The following KIAA0753 variants were observed in gnomAD, a reference collection of about 807,000 sequenced individuals.
The protein encoded by KIAA0753 is KIAA0753, also known as protein moonraker.
In KIAA0753, 114 loss-of-function variants were observed where a neutral mutation model predicts 116.9. That is an observed-to-expected ratio of 0.98 (90% CI 0.84 to 1.14). The LOEUF (loss-of-function observed/expected upper bound fraction) is 1.14, where lower values mean the gene tolerates loss of function less well. Among genes scored for constraint, KIAA0753 ranks in the 50% most tolerant of loss-of-function variants. The pLI, the probability that KIAA0753 is intolerant of heterozygous loss-of-function variation, is 0.00. For synonymous variants in KIAA0753, 405 were observed against 413.1 expected (o/e 0.98, Z 0.24); for missense variants, 1,156 against 1,172.4 (o/e 0.99, Z 0.20).
chr17:6,590,631 C>A lies in KIAA0753; in HGVS notation c.2441-1G>T. On this transcript the variant is annotated splice_acceptor_variant, in intron 16 of 18. Coordinates refer to ENST00000361413, the MANE Select transcript of KIAA0753 (RefSeq NM_014804.3). LOFTEE classifies it high-confidence loss of function. ...TCACTTATTGCTGAGATTTTTTGGT[C>A]TAGAAAAGGAGGGTCATAAAATGAC... is the stretch of plus-strand genomic sequence containing the variant. The A allele has an allele frequency of 1.2e-6, 2 of 1,613,314 alleles. No individual in the cohort carries two copies. The highest frequency in any genetic ancestry group is 2.2e-5 in the South Asian group (2 of 90,956).
intron 6 of KIAA0753, among the ~76,000 whole-genome samples, chr17:6,621,795 C>CTA (rs1457297079): frequency 6.6e-6 from 1 of 152,060 alleles, no homozygotes; most frequent in Admixed American, 6.6e-5. Flanking sequence ...GATGTGTACT[C>CTA]TAAATTATTT....
At chr17:6,606,757 T>C (rs1970220563) in intron 12 of KIAA0753, 116 bp downstream of exon 12, 1 of 714,022 alleles carries the variant, frequency 1.4e-6, no homozygotes, top group African/African-American at 1.8e-5. Flanking sequence ...CATGCAGCTA[T>C]TCATTCATTC....
intron 18 of KIAA0753, among the ~76,000 whole-genome samples, chr17:6,582,771 C>T (rs1263003042): frequency 6.6e-6 from 1 of 152,116 alleles, no homozygotes; most frequent in Non-Finnish European, 1.5e-5. Flanking sequence ...TTTAAGTGGC[C>T]ACCCTGGATT....
Position 6,590,627 on chromosome 17 carries a change from T to G in KIAA0753, c.2444A>C (p.Gln815Pro). The change falls in exon 17 of 19, where the codon CAA (glutamine) becomes CCA (proline). Residue 815 changes from glutamine (Q) to proline (P), a missense_variant. By Grantham distance (76) the Gln-to-Pro change is moderately conservative. Coordinates refer to ENST00000361413, the MANE Select transcript of KIAA0753 (RefSeq NM_014804.3). ...RLWMQEENND[Q>P]KISAISEKPL... ...CTTTTCACTTATTGCTGAGATTTTT[T>G]GGTCTAGAAAAGGAGGGTCATAAAA... The G allele has an allele frequency of 6.2e-7, 1 of 1,613,746 alleles. No individual in the cohort carries two copies. The highest frequency in any genetic ancestry group is 8.5e-7 in the Non-Finnish European group (1 of 1,179,734).
chr17:6,601,764 A>G (rs534895572), intron 12 of KIAA0753, among the ~76,000 whole-genome samples: 18 of 152,356 alleles, frequency 1.2e-4, no homozygotes, highest in African/African-American at 4.3e-4. Flanking sequence ...TTTCTTAGCT[A>G]GTTCACCAAA....
At chr17:6,633,149 T>C (rs1200312692) in intron 2 of KIAA0753, among the ~76,000 whole-genome samples, 2 of 152,210 alleles carry the variant, frequency 1.3e-5, no homozygotes, top group Non-Finnish European at 2.9e-5. Flanking sequence ...AATTTACTCT[T>C]AAATGGTTTA....
At chr17:6,605,859 T>C (rs1410310779) in intron 12 of KIAA0753, among the ~76,000 whole-genome samples, 1 of 152,166 alleles carries the variant, frequency 6.6e-6, no homozygotes, top group Non-Finnish European at 1.5e-5. Context: ...TGTTCTTCTA[T>C]ATGTGTGATA....
intron 1 of KIAA0753, chr17:6,635,900 A>G (rs929243712): frequency 5.3e-5 from 8 of 152,136 alleles, no homozygotes; most frequent in Admixed American, 1.3e-4. Context: ...TTATTTACCT[A>G]TTTCACATGT....
At chr17:6,620,718 C>T in intron 7 of KIAA0753, 70 bp downstream of exon 7, 1 of 1,456,646 alleles carries the variant, frequency 6.9e-7, no homozygotes, top group East Asian at 2.3e-5. Flanking sequence ...CCCCTCAGTG[C>T]AGTAACTGTT....
intron 16 of KIAA0753, among the ~76,000 whole-genome samples, chr17:6,591,327 G>A (rs1438444124): frequency 2.0e-5 from 3 of 152,280 alleles, no homozygotes; most frequent in South Asian, 2.1e-4. Flanking sequence ...TATGTCAAGC[G>A]ACTTGGCTCA....
intron 18 of KIAA0753, among the ~76,000 whole-genome samples, chr17:6,585,598 A>C (rs1259320850): frequency 6.6e-6 from 1 of 152,136 alleles, no homozygotes; most frequent in East Asian, 1.9e-4. Context: ...CTACTGCCTG[A>C]GACATTTGAC....
intron 4 of KIAA0753, among the ~76,000 whole-genome samples, chr17:6,624,187 C>T (rs1172809965): frequency 6.6e-6 from 1 of 152,172 alleles, no homozygotes; most frequent in African/African-American, 2.4e-5. Context: ...TTTTAAAAAT[C>T]CATCACAATG....
intron 3 of KIAA0753, among the ~76,000 whole-genome samples, chr17:6,625,908 G>A (rs1971637468): frequency 6.6e-6 from 1 of 152,020 alleles, no homozygotes; most frequent in Non-Finnish European, 1.5e-5. Context: ...TGGCCTGTTG[G>A]CCAGGCTGGT....
At chr17:6,582,829 C>T (rs369082324) in intron 18 of KIAA0753, among the ~76,000 whole-genome samples, 2 of 152,284 alleles carry the variant, frequency 1.3e-5, no homozygotes, top group East Asian at 3.9e-4. Flanking sequence ...GATATTCTTA[C>T]CTTTTTTCCC....
chr17:6,608,400 C>G lies in KIAA0753; in HGVS notation c.1777G>C (p.Asp593His), dbSNP rs1312048375. 6.4e-7 allele frequency: 1 copy of G among 1,564,628 alleles called. No individual in the cohort carries two copies. Among genetic ancestry groups the G allele is most frequent in the Non-Finnish European group, 8.7e-7 (1 of 1,150,510 alleles). ...GTCAGGTGACTTTCCTCTTGAGGAT[C>G]TTCTTGCTGGAGAGGCTCTTTTGTG... ...DATKEPLQQE[D>H]PQEESHLTGA... Residue 593 changes from aspartate (D) to histidine (H), a missense_variant, in exon 10 of 19, where the codon GAT becomes CAT. Physicochemically the swap from Asp to His is moderately conservative, Grantham distance 81. Coordinates refer to ENST00000361413, the MANE Select transcript of KIAA0753 (RefSeq NM_014804.3).
At chr17:6,624,534 C>T (rs1971529443) in intron 4 of KIAA0753, among the ~76,000 whole-genome samples, 1 of 93,170 alleles carries the variant, frequency 1.1e-5, no homozygotes, top group Non-Finnish European at 2.4e-5. Flanking sequence ...AGGAGTTTGG[C>T]GCCACACACA....
rs1972238735 is a variant in KIAA0753, at chr17:6,635,148, C to T, written c.-45G>A. On this transcript the variant is annotated 5_prime_UTR_variant, in exon 2 of 19. Transcript: ENST00000361413. Reference sequence around the variant, plus strand: ...CAATAGTGACAGCCTTGTCATCCGGCAACAGTCTTCCCTAAAACCATTCCT... The same window carrying T: ...CAATAGTGACAGCCTTGTCATCCGGTAACAGTCTTCCCTAAAACCATTCCT... 2 of 1,378,684 alleles carry T rather than the reference C, an allele frequency of 1.5e-6. No homozygotes were observed. Among genetic ancestry groups the T allele is most frequent in the Non-Finnish European group, 1.0e-6 (1 of 966,026 alleles). 85.4% of individuals were successfully genotyped at this position (1,378,684 alleles called of 1,614,324 possible).
rs1343047150 is a variant in KIAA0753, at chr17:6,612,015, C to T, written c.1449G>A (p.Val483=). 5 of 1,614,064 alleles carry T rather than the reference C, an allele frequency of 3.1e-6. No homozygotes were observed. Among genetic ancestry groups the T allele is most frequent in the Non-Finnish European group, 4.2e-6 (5 of 1,180,000 alleles). Residue 483 remains valine, a synonymous_variant, in exon 8 of 19, where the codon GTG becomes GTA. Coordinates refer to ENST00000361413, the MANE Select transcript of KIAA0753 (RefSeq NM_014804.3). ...LDQSASFKDE[V]LAVAKTKAGK... is the part of the protein sequence containing the mutation. ...CTGCTTTTGTTTTTGCCACGGCTAA[C>T]ACCTCGTCTTTGAAGCTTGCACTTT...
At position 6,624,871 on chromosome 17, in the gene KIAA0753, T is replaced by C. The variant is rs200815852; in HGVS notation, c.719-10A>G. On this transcript the variant is annotated splice_polypyrimidine_tract_variant and intron_variant, in intron 3 of 18. Transcript: ENST00000361413. Reference sequence around the variant, plus strand: ...GCTTCTTCTAGTCTATCTGAAAATATTAATAGTTTTCCCCAAAAGTGGATT... The same window carrying C: ...GCTTCTTCTAGTCTATCTGAAAATACTAATAGTTTTCCCCAAAAGTGGATT... 6.6e-7 allele frequency: 1 copy of C among 1,525,832 alleles called. No individual in the cohort carries two copies. Among genetic ancestry groups the C allele is most frequent in the African/African-American group, 1.4e-5 (1 of 72,782 alleles). 94.5% of individuals were successfully genotyped at this position (1,525,832 alleles called of 1,614,324 possible).
Sources: allele counts gnomAD v4.1 joint callset (sites outside exome capture counted in the v4.1 genomes callset), GRCh38; gene constraint gnomAD v4.1.1; transcripts MANE v1.5; gene names NCBI Gene and HGNC (gene_info 2026-07-23, HGNC 2026-07-21).